MACROD2: variants seen among roughly 807,000 people sequenced by gnomAD.
The protein encoded by MACROD2 is mono-ADP ribosylhydrolase 2.
MACROD2 carries 36 observed loss-of-function variants against 70.4 expected under a neutral mutation model. That is an observed-to-expected ratio of 0.51 (90% confidence interval 0.39 to 0.68). The LOEUF is 0.68. Ranked by LOEUF, MACROD2 falls within the 30% of genes least tolerant of loss-of-function variation. The pLI, the probability that MACROD2 is intolerant of heterozygous loss-of-function variation, is 0.00. For missense variants in MACROD2, 496 were observed against 538.4 expected, an observed-to-expected ratio of 0.92 and a Z score of 0.78; for synonymous variants, 172 against 178.8, an observed-to-expected ratio of 0.96 and a Z score of 0.30.
chr20:14,106,088 A>G (rs1326449597), intron 3 of MACROD2, among the ~76,000 whole-genome samples: 1 of 152,124 alleles, frequency 6.6e-6, no homozygotes, highest in Non-Finnish European at 1.5e-5. Context: ...AGAAAAACAG[A>G]GGGGCCACAG....
intron 8 of MACROD2, chr20:15,552,250 C>A (rs1260960446): frequency 6.6e-6 from 1 of 152,138 alleles, no homozygotes; most frequent in Non-Finnish European, 1.5e-5. Context: ...TGTAAACGTG[C>A]ATAGATGTTC....
intron 8 of MACROD2, among the ~76,000 whole-genome samples, chr20:15,668,192 C>T (rs540546475): frequency 2.7e-4 from 41 of 151,230 alleles, no homozygotes; most frequent in South Asian, 2.5e-3. Flanking sequence ...CCCAGGAGGC[C>T]GAGGTTGCAG....
chr20:15,230,130 T>C (rs545216850), intron 6 of MACROD2, 69 bp downstream of exon 6: 4 of 1,451,082 alleles, frequency 2.8e-6, no homozygotes, highest in African/African-American at 1.4e-5. Flanking sequence ...CTGTCTTGTC[T>C]AAAGAGAGGT....
At chr20:14,746,546 T>C (rs774138495) in intron 5 of MACROD2, among the ~76,000 whole-genome samples, 1 of 152,150 alleles carries the variant, frequency 6.6e-6, no homozygotes, top group South Asian at 2.1e-4. Context: ...TAGCCTGTAA[T>C]GTGTAAGGAT....
intron 5 of MACROD2, among the ~76,000 whole-genome samples, chr20:15,059,318 G>A (rs1568553601): frequency 6.6e-6 from 1 of 151,954 alleles, no homozygotes. Flanking sequence ...CCAGGAGGTG[G>A]AGGCTGCAGT....
chr20:14,468,531 G>C lies in MACROD2; in HGVS notation c.272-24948G>C, dbSNP rs1425278555. Among the ~76,000 whole-genome samples the C allele has an allele frequency of 9.4e-5, 14 of 149,368 alleles. No individual in the cohort carries two copies. In the East Asian group the frequency reaches 2.6e-3, roughly 27 times the overall value. On this transcript the variant is annotated intron_variant, in intron 3 of 17. Transcript: ENST00000684519. ...TGTCTTTTTTTGGGGGGGGGCGTTGGGGGCACCGTCTCACTCTGTCACCGA... is the reference window on the plus strand; with the variant it reads ...TGTCTTTTTTTGGGGGGGGGCGTTGCGGGCACCGTCTCACTCTGTCACCGA...
chr20:15,379,211 C>T (rs1025275106), intron 6 of MACROD2, among the ~76,000 whole-genome samples: 2 of 152,112 alleles, frequency 1.3e-5, no homozygotes, highest in African/African-American at 4.8e-5. Flanking sequence ...ATAAATTACA[C>T]AACACCTAAA....
Position 15,725,985 on chromosome 20 carries a change from T to A in MACROD2, c.646-136760T>A, listed in dbSNP as rs192273404. Among the ~76,000 whole-genome samples, 92 of 152,228 alleles carry A rather than the reference T, an allele frequency of 6.0e-4. 2 individuals are homozygous for A. In the East Asian group the frequency reaches 0.016, roughly 26 times the overall value. ...ATCTACATAATTTTATATAGGTAAATCTGTACATTATGGGGGTTTGATGGA... is the reference window on the plus strand; with the variant it reads ...ATCTACATAATTTTATATAGGTAAAACTGTACATTATGGGGGTTTGATGGA... On this transcript the variant is annotated intron_variant, in intron 8 of 17. Transcript: ENST00000684519.
intron 4 of MACROD2, among the ~76,000 whole-genome samples, chr20:14,603,009 A>G (rs550061014): frequency 1.3e-5 from 2 of 152,346 alleles, no homozygotes; most frequent in South Asian, 4.1e-4. Context: ...GGAGACAACA[A>G]ATATCACCAC....
chr20:14,857,851 A>C (rs2122341866), intron 5 of MACROD2, among the ~76,000 whole-genome samples: 1 of 112,120 alleles, frequency 8.9e-6, no homozygotes, highest in South Asian at 2.8e-4. Context: ...ACAAAGTCTC[A>C]CTCTTGTCGC....
chr20:14,851,124 A>G (rs1003474945), intron 5 of MACROD2, among the ~76,000 whole-genome samples: 1 of 152,170 alleles, frequency 6.6e-6, no homozygotes, highest in African/African-American at 2.4e-5. Context: ...GTAAGTTGTC[A>G]TTGAGGGAAA....
intron 8 of MACROD2, among the ~76,000 whole-genome samples, chr20:15,808,545 C>T (rs894696508): frequency 6.6e-6 from 1 of 152,074 alleles, no homozygotes; most frequent in Admixed American, 6.5e-5. Flanking sequence ...TTTCAACTTA[C>T]TATTTTACTT....
At chr20:15,721,210 T>C (rs1161774779) in intron 8 of MACROD2, among the ~76,000 whole-genome samples, 1 of 148,710 alleles carries the variant, frequency 6.7e-6, no homozygotes, top group Non-Finnish European at 1.5e-5. Context: ...GTAGACGTGC[T>C]TCCAGGGACA....
At chr20:14,854,885 GGACGCCT>G (rs1349213891) in intron 5 of MACROD2, among the ~76,000 whole-genome samples, 1 of 152,028 alleles carries the variant, frequency 6.6e-6, no homozygotes, top group Admixed American at 6.6e-5. Context: ...GTGTGGTGGT[GGACGCCT>G]GTAGTCCCAG....
intron 3 of MACROD2, among the ~76,000 whole-genome samples, chr20:14,112,524 T>A (rs1377432462): frequency 6.6e-6 from 1 of 151,972 alleles, no homozygotes; most frequent in Admixed American, 6.6e-5. Context: ...AAAATAAAAT[T>A]GAAACATTTT....
chr20:14,052,103 G>A (rs111502737), intron 2 of MACROD2: 25 of 370,004 alleles, frequency 6.8e-5, no homozygotes, highest in African/African-American at 4.0e-4. Context: ...GGGTTGGGAG[G>A]GGGAGAGAAG....
chr20:14,230,654 T>TATATAAAAAA lies in MACROD2; in HGVS notation c.271+144927_271+144928insTATAAAAAAA. Among the ~76,000 whole-genome samples the TATATAAAAAA allele has an allele frequency of 6.7e-5, 5 of 74,240 alleles. 1 individual carries two copies. The highest frequency in any genetic ancestry group is 5.8e-4 in the East Asian group (1 of 1,732). 48.7% of individuals were successfully genotyped at this position (74,240 alleles called of 152,430 possible). On this transcript the variant is annotated intron_variant, in intron 3 of 17. Transcript: ENST00000684519. ...GTTTATATATATATATATATATATA[T>TATATAAAAAA]AACACAGGCTGGGCCTATATATATA...
intron 5 of MACROD2, among the ~76,000 whole-genome samples, chr20:14,870,116 C>T (rs6079589): frequency 0.25 from 37,382 of 151,990 alleles, 5,048 homozygotes; most frequent in African/African-American, 0.34. Flanking sequence ...CTCTACCCTC[C>T]GATATGCCAC....
At chr20:15,793,401 C>A (rs189568744) in intron 8 of MACROD2, among the ~76,000 whole-genome samples, 2 of 152,280 alleles carry the variant, frequency 1.3e-5, no homozygotes, top group Admixed American at 1.3e-4. Flanking sequence ...TGGAGAGGAA[C>A]TAGGCTTTTC....
Sources: gnomAD v4.1 joint callset for allele counts (sites outside exome capture counted in the v4.1 genomes callset) on GRCh38, gnomAD v4.1.1 for gene constraint, MANE v1.5 for transcripts, NCBI Gene and HGNC (gene_info 2026-07-23, HGNC 2026-07-21) for gene names.